Variants in GUCY2C observed in about 807,000 individuals in gnomAD.
GUCY2C encodes guanylate cyclase 2C.
A neutral mutation model predicts 131.1 loss-of-function variants in GUCY2C; 118 were observed. The ratio of observed to expected loss-of-function variants is 0.90; its 90% CI spans 0.78 to 1.05. The LOEUF (loss-of-function observed/expected upper bound fraction) is 1.05. GUCY2C is among the 50% of genes least tolerant of loss of function. GUCY2C has a pLI of 0.00. For synonymous variants in GUCY2C, 452 were observed against 457.8 expected (o/e 0.99, Z 0.16); for missense variants, 1,161 against 1,304.4 (o/e 0.89, Z 1.69).
At chr12:14,619,383 T>C in intron 23 of GUCY2C, 74 bp from the exon 24 acceptor site, 1 of 880,204 alleles carries the variant, frequency 1.1e-6, no homozygotes, top group Non-Finnish European at 1.9e-6. Context: ...GGTAAGCCTC[T>C]CTGTATGGTC....
chr12:14,675,107 A>G (rs929118487), intron 7 of GUCY2C, among the ~76,000 whole-genome samples: 1 of 147,398 alleles, frequency 6.8e-6, no homozygotes, highest in Non-Finnish European at 1.5e-5. Flanking sequence ...GCTACTCAGG[A>G]GGCTGAGGCA....
intron 11 of GUCY2C, among the ~76,000 whole-genome samples, chr12:14,660,027 CT>C (rs1440824353): frequency 6.6e-6 from 1 of 152,202 alleles, no homozygotes; most frequent in Non-Finnish European, 1.5e-5. Context: ...AGACCATCAC[CT>C]GTATTTCTGA....
chr12:14,617,626 G>A (rs955989704), intron 24 of GUCY2C, among the ~76,000 whole-genome samples: 8 of 152,150 alleles, frequency 5.3e-5, no homozygotes, highest in African/African-American at 1.7e-4. Flanking sequence ...GTGAGGGCAC[G>A]CCCATTCACA....
rs1948584029 is a variant in GUCY2C, at chr12:14,692,038, CT to C, written c.218-3976del. Among the ~76,000 whole-genome samples, 3 of 152,294 alleles carry C rather than the reference CT, an allele frequency of 2.0e-5. 1 individual carries two copies. The South Asian group carries it at 6.2e-4, about 32-fold the overall frequency. ...CAAGTAGTAGCGCAGGGATTTGAACCTAGGGAAGTCTAATTCTAGAACTTTG... is the reference window on the plus strand; with the variant it reads ...CAAGTAGTAGCGCAGGGATTTGAACCAGGGAAGTCTAATTCTAGAACTTTG... On this transcript the variant is annotated intron_variant, in intron 1 of 26. Coordinates refer to ENST00000261170, the MANE Select transcript of GUCY2C (RefSeq NM_004963.4).
intron 1 of GUCY2C, among the ~76,000 whole-genome samples, chr12:14,693,410 TC>T (rs972902500): frequency 1.3e-5 from 2 of 152,190 alleles, no homozygotes; most frequent in Admixed American, 6.5e-5. Context: ...TCTCTTTTTT[TC>T]ATGTTCTTTC....
intron 6 of GUCY2C, among the ~76,000 whole-genome samples, chr12:14,677,717 CCCA>C (rs1170226586): frequency 9.4e-5 from 14 of 148,922 alleles, no homozygotes; most frequent in African/African-American, 3.5e-4. Context: ...ATTACAGGCG[CCCA>C]CCACCACGCC....
chr12:14,677,351 T>A (rs1250093121), intron 6 of GUCY2C, among the ~76,000 whole-genome samples: 6 of 152,090 alleles, frequency 3.9e-5, no homozygotes, highest in African/African-American at 1.2e-4. Flanking sequence ...TAGAGAGAAA[T>A]TTTATCACTA....
intron 8 of GUCY2C, chr12:14,674,332 C>G: frequency 2.4e-6 from 1 of 413,128 alleles, no homozygotes; most frequent in Non-Finnish European, 4.5e-6. Flanking sequence ...CAAGCACAGT[C>G]AGGACATTAC....
At chr12:14,629,484 G>T (rs1947097513) in intron 19 of GUCY2C, among the ~76,000 whole-genome samples, 3 of 152,156 alleles carry the variant, frequency 2.0e-5, no homozygotes, top group Admixed American at 2.0e-4. Flanking sequence ...GTCTTTAAAT[G>T]AATGCATACT....
chr12:14,649,073 A>G lies in GUCY2C; in HGVS notation c.1710+2334T>C, dbSNP rs12303367. ...AACCTGGTTTCCTCTTCCCTGAGCT[A>G]TGGTTTCACAGCTTCATTTCATGTG... On this transcript the variant is annotated intron_variant, in intron 15 of 26. Transcript: ENST00000261170. Among the ~76,000 whole-genome samples the G allele has an allele frequency of 5.9e-3, 905 of 152,232 alleles. 6 individuals carry two copies. Among genetic ancestry groups the G allele is most frequent in the African/African-American group, 0.021 (853 of 41,542 alleles).
rs779471448 is a variant in GUCY2C at position 14,661,056 on chromosome 12, T to C, written c.1289A>G (p.Gln430Arg). Residue 430 changes from glutamine to arginine, a missense_variant, in exon 11 of 27, where the codon CAG (glutamine) becomes CGG (arginine). Coordinates refer to ENST00000261170, the MANE Select transcript of GUCY2C (RefSeq NM_004963.4). ...LPNDITGRGP[Q>R]ILMIAVFTLT... ...GGTGAAGACTGCAATCATCAGGATCTGAGGGCCTGTGGCGGAAAATGCGTT... is the reference window on the plus strand; with the variant it reads ...GGTGAAGACTGCAATCATCAGGATCCGAGGGCCTGTGGCGGAAAATGCGTT... 6.2e-6 allele frequency: 10 copies of C among 1,608,980 alleles called. No homozygotes were observed. In the East Asian group the frequency reaches 2.2e-4, roughly 36 times the overall value.
In GUCY2C at chr12:14,622,089, G is replaced by T. The variant is rs768304489; in HGVS notation, c.2517C>A (p.Tyr839Ter). The change falls in exon 22 of 27, where the codon TAC (tyrosine) becomes TAA (stop). Residue 839 changes from tyrosine to a stop codon, truncating the protein, a stop_gained. Coordinates refer to ENST00000261170, the MANE Select transcript of GUCY2C (RefSeq NM_004963.4). LOFTEE classifies it high-confidence loss of function. ...DIVGFTTICK[Y>*]STPMEVVDML... ...TGTCCACCACTTCCATGGGGGTGCT[G>T]TATTTGCAGATAGTAGTGAAACCTA... 2 of 1,609,846 alleles carry T rather than the reference G, an allele frequency of 1.2e-6. No individual in the cohort carries two copies. The highest frequency in any genetic ancestry group is 3.4e-5 in the Admixed American group (2 of 58,944).
At chr12:14,679,168 T>C (rs1241680107) in intron 6 of GUCY2C, among the ~76,000 whole-genome samples, 1 of 152,240 alleles carries the variant, frequency 6.6e-6, no homozygotes, top group African/African-American at 2.4e-5. Flanking sequence ...AGTTGATTTA[T>C]CATTTTCTGG....
chr12:14,636,271 A>T (rs932074816), intron 19 of GUCY2C, among the ~76,000 whole-genome samples: 1 of 152,196 alleles, frequency 6.6e-6, no homozygotes, highest in African/African-American at 2.4e-5. Context: ...ATCAAGTGGG[A>T]TTTATCCCCA....
In GUCY2C at chr12:14,651,516, A is replaced by T. The variant is rs781244603; in HGVS notation, c.1606-5T>A. On this transcript the variant is annotated splice_region_variant and splice_polypyrimidine_tract_variant and intron_variant, in intron 14 of 26. Coordinates refer to ENST00000261170, the MANE Select transcript of GUCY2C (RefSeq NM_004963.4). ...GTAATAGTCAATCTGAAGCAACTAG[A>T]AGAACGTGTTTGTTTACAAAGCAAA... 3.3e-6 allele frequency: 5 copies of T among 1,520,814 alleles called. No homozygotes were observed. The highest frequency in any genetic ancestry group is 3.6e-6 in the Non-Finnish European group (4 of 1,097,506). The allele number at this position is 1,520,814 out of a possible 1,614,324, so 94.2% of individuals were successfully genotyped here.
intron 19 of GUCY2C, among the ~76,000 whole-genome samples, chr12:14,630,650 C>A (rs930988482): frequency 2.6e-5 from 4 of 152,108 alleles, no homozygotes; most frequent in Admixed American, 2.0e-4. Flanking sequence ...CATTTTATAT[C>A]AGATCCTTGA....
chr12:14,684,488 T>C (rs1442563300), intron 3 of GUCY2C, among the ~76,000 whole-genome samples: 1 of 152,078 alleles, frequency 6.6e-6, no homozygotes, highest in Non-Finnish European at 1.5e-5. Context: ...TTCCCTTCTG[T>C]GCACTCTATA....
At chr12:14,650,384 A>T (rs887562548) in intron 15 of GUCY2C, among the ~76,000 whole-genome samples, 3 of 152,142 alleles carry the variant, frequency 2.0e-5, no homozygotes, top group Non-Finnish European at 2.9e-5. Context: ...AGTAGCTGGA[A>T]TTACAGGCAT....
intron 1 of GUCY2C, among the ~76,000 whole-genome samples, chr12:14,688,704 G>A (rs1948523662): frequency 1.3e-5 from 2 of 152,270 alleles, no homozygotes; most frequent in South Asian, 4.1e-4. Context: ...CATTTTCTTT[G>A]TGTGTTACAC....
Sources: gnomAD v4.1 joint callset for allele counts (sites outside exome capture counted in the v4.1 genomes callset) on GRCh38, gnomAD v4.1.1 for gene constraint, MANE v1.5 for transcripts, NCBI Gene and HGNC (gene_info 2026-07-23, HGNC 2026-07-21) for gene names.